GSE1: variants seen among roughly 807,000 people sequenced by gnomAD.
The protein encoded by GSE1 is Gse1 coiled-coil protein, also known as genetic suppressor element 1.
In GSE1, 32 loss-of-function variants were observed where a neutral mutation model predicts 112.6. That is an observed-to-expected ratio of 0.28 (90% CI 0.21 to 0.38). The LOEUF (loss-of-function observed/expected upper bound fraction) is 0.38. Ranked by LOEUF, GSE1 falls within the 10% of genes least tolerant of loss-of-function variation. The probability of loss-of-function intolerance (pLI) is 1.00; values close to 1 mark genes in which losing one functional copy is unlikely to be tolerated. For missense variants in GSE1, 2,348 were observed against 1,699.2 expected, an observed-to-expected ratio of 1.38 and a Z score of -6.71; for synonymous variants, 1,115 against 735.6, an observed-to-expected ratio of 1.52 and a Z score of -8.35.
chr16:85,648,344 C>T (rs960524623), intron 2 of GSE1, among the ~76,000 whole-genome samples: 13 of 152,108 alleles, frequency 8.5e-5, no homozygotes, highest in Admixed American at 2.0e-4. Context: ...AGGGAGTGCC[C>T]GGGGTAGACT....
At chr16:85,662,437 G>C (rs889044827) in intron 9 of GSE1, 1 of 153,444 alleles carries the variant, frequency 6.5e-6, no homozygotes. Flanking sequence ...GGGCACAGGC[G>C]GTCTTCCTGG....
chr16:85,651,153 C>T (rs1373900660), intron 3 of GSE1, among the ~76,000 whole-genome samples: 1 of 148,256 alleles, frequency 6.7e-6, no homozygotes, highest in African/African-American at 2.5e-5. Context: ...GAAAAGCTGC[C>T]CACAGATGCG....
intron 1 of GSE1, among the ~76,000 whole-genome samples, chr16:85,573,576 T>C (rs868379754): frequency 6.6e-6 from 1 of 152,350 alleles, no homozygotes; most frequent in East Asian, 1.9e-4. Flanking sequence ...AGCTGTGAAG[T>C]GGAGCTGTGT....
intron 1 of GSE1, chr16:85,593,234 A>G (rs904967772): frequency 1.3e-5 from 2 of 152,206 alleles, no homozygotes; most frequent in African/African-American, 2.4e-5. Context: ...CCCACGGGCC[A>G]GCTCTCACTG....
intron 1 of GSE1, among the ~76,000 whole-genome samples, chr16:85,290,423 T>C (rs553270001): frequency 4.6e-5 from 7 of 152,224 alleles, no homozygotes; most frequent in African/African-American, 1.7e-4. Flanking sequence ...ATGTAAGCAG[T>C]TCTCTTTCTG....
At chr16:85,367,757 C>G (rs1000220503) in intron 2 of GSE1, among the ~76,000 whole-genome samples, 1 of 151,486 alleles carries the variant, frequency 6.6e-6, no homozygotes, top group Admixed American at 6.6e-5. Context: ...GCTCAGTAAA[C>G]TTTTGTTGAG....
intron 1 of GSE1, among the ~76,000 whole-genome samples, chr16:85,214,213 C>G (rs1318332341): frequency 6.6e-6 from 1 of 152,168 alleles, no homozygotes; most frequent in Non-Finnish European, 1.5e-5. Context: ...GAGGCACCAC[C>G]TCGGGGAAGC....
intron 1 of GSE1, among the ~76,000 whole-genome samples, chr16:85,259,238 C>G (rs1196918050): frequency 6.6e-6 from 1 of 152,262 alleles, no homozygotes; most frequent in East Asian, 1.9e-4. Flanking sequence ...CCCATCCGCA[C>G]GGCCCCACTA....
rs11863421 is a variant in GSE1 at position 85,492,594 on chromosome 16, G to A, written c.2464+134951G>A. On this transcript the variant is annotated intron_variant, in intron 2 of 2. Coordinates refer to the GSE1 transcript ENST00000637419. ...AGATGGACGACTAGGGCCCAGAGAG[G>A]CCGAACAGCTTGTCTGAGGCTCCAC... Among the ~76,000 whole-genome samples, 1,488 of 152,298 alleles carry A rather than the reference G, an allele frequency of 9.8e-3. 23 individuals carry two copies. Among genetic ancestry groups the A allele is most frequent in the African/African-American group, 0.034 (1,422 of 41,540 alleles).
chr16:85,315,698 G>T (rs1202179620), intron 1 of GSE1, among the ~76,000 whole-genome samples: 1 of 152,166 alleles, frequency 6.6e-6, no homozygotes, highest in East Asian at 1.9e-4. Flanking sequence ...GATAAACAAC[G>T]AACACGCTTT....
intron 2 of GSE1, among the ~76,000 whole-genome samples, chr16:85,644,086 GGGCAACTGAGGCGGGA>G (rs1236276561): frequency 6.6e-6 from 1 of 152,130 alleles, no homozygotes; most frequent in Non-Finnish European, 1.5e-5. Flanking sequence ...CCAGCACTGT[GGGCAACTGAGGCGGGA>G]GGATCGCTTG....
intron 2 of GSE1, among the ~76,000 whole-genome samples, chr16:85,364,149 T>C (rs2047138588): frequency 6.6e-6 from 1 of 152,252 alleles, no homozygotes; most frequent in South Asian, 2.1e-4. Flanking sequence ...AATCTGTTTC[T>C]GTGCCTTCTG....
chr16:85,671,190 G>C (rs1198814772), intron 15 of GSE1, 92 bp downstream of exon 15: 3 of 699,784 alleles, frequency 4.3e-6, no homozygotes, highest in Admixed American at 2.8e-5. Context: ...GAGAGGAAAT[G>C]TGCTCTTAAG....
intron 1 of GSE1, among the ~76,000 whole-genome samples, chr16:85,181,420 T>C (rs1456248803): frequency 6.6e-6 from 1 of 152,226 alleles, no homozygotes; most frequent in Non-Finnish European, 1.5e-5. Flanking sequence ...TGCCTCAGCC[T>C]TTCCCCTGCC....
intron 1 of GSE1, among the ~76,000 whole-genome samples, chr16:85,245,255 A>T (rs993143434): frequency 6.6e-6 from 1 of 152,192 alleles, no homozygotes; most frequent in African/African-American, 2.4e-5. Flanking sequence ...ATAGCTTCTG[A>T]TATCTCTCAG....
intron 2 of GSE1, among the ~76,000 whole-genome samples, chr16:85,441,589 G>A (rs147403735): frequency 2.6e-3 from 396 of 151,580 alleles, no homozygotes; most frequent in African/African-American, 8.5e-3. Context: ...AGAGGTTGCA[G>A]TGAGCCAAGA....
At chr16:85,572,373 CACACCACAT>C (rs2046033980) in intron 1 of GSE1, among the ~76,000 whole-genome samples, 1 of 149,624 alleles carries the variant, frequency 6.7e-6, no homozygotes, top group Non-Finnish European at 1.5e-5. Context: ...ACACACCACA[CACACCACAT>C]ACCCCCACAC....
chr16:85,532,194 A>C (rs1567565694), intron 2 of GSE1, among the ~76,000 whole-genome samples: 1 of 152,148 alleles, frequency 6.6e-6, no homozygotes, highest in Non-Finnish European at 1.5e-5. Context: ...CCACATTTTT[A>C]TATGGGGAAA....
chr16:85,378,115 G>A (rs1476235982), intron 2 of GSE1, among the ~76,000 whole-genome samples: 1 of 152,168 alleles, frequency 6.6e-6, no homozygotes, highest in Non-Finnish European at 1.5e-5. Context: ...CGGTGCCAGG[G>A]CTCGGGGCAG....
Sources: gnomAD v4.1 joint callset for allele counts (sites outside exome capture counted in the v4.1 genomes callset) on GRCh38, gnomAD v4.1.1 for gene constraint, MANE v1.5 for transcripts, NCBI Gene and HGNC (gene_info 2026-07-23, HGNC 2026-07-21) for gene names.